The following DROSHA variants were observed in gnomAD, a reference collection of about 807,000 sequenced individuals.
DROSHA encodes drosha ribonuclease III.
A neutral mutation model predicts 181.9 loss-of-function variants in DROSHA; 56 were observed. The observed-to-expected ratio is 0.31, with a 90% confidence interval of 0.25 to 0.38. The LOEUF is 0.38. Among genes scored for constraint, DROSHA ranks in the 10% least tolerant of loss-of-function variants. DROSHA has a pLI of 1.00. For missense variants in DROSHA, 1,218 were observed against 1,743.5 expected (o/e 0.70, Z 5.37); for synonymous variants, 524 against 591.2 (o/e 0.89, Z 1.65).
chr5:31,457,984 G>A (rs1423112), intron 20 of DROSHA, among the ~76,000 whole-genome samples: 2,087 of 152,246 alleles, frequency 0.014, 52 homozygotes, highest in African/African-American at 0.048. Context: ...GCATAACCAC[G>A]GGATACAGAA....
chr5:31,520,018 T>C (rs748150536), intron 6 of DROSHA, among the ~76,000 whole-genome samples: 4 of 152,202 alleles, frequency 2.6e-5, no homozygotes, highest in Non-Finnish European at 2.9e-5. Context: ...ATCTGGTTTT[T>C]CCTGCTACTA....
intron 27 of DROSHA, among the ~76,000 whole-genome samples, chr5:31,427,167 G>A (rs1420362090): frequency 1.3e-5 from 2 of 152,166 alleles, no homozygotes; most frequent in African/African-American, 2.4e-5. Context: ...AGTTTCTGCA[G>A]CTCCAGAGAA....
intron 13 of DROSHA, among the ~76,000 whole-genome samples, chr5:31,491,762 T>G (rs1300049779): frequency 2.6e-5 from 4 of 152,068 alleles, no homozygotes; most frequent in Non-Finnish European, 1.5e-5. Flanking sequence ...CCATAAAGAT[T>G]ATTTAAGAAT....
chr5:31,525,089 G>T (rs1740359718), intron 5 of DROSHA, among the ~76,000 whole-genome samples: 1 of 151,838 alleles, frequency 6.6e-6, no homozygotes, highest in African/African-American at 2.4e-5. Context: ...CCAGCACTTT[G>T]GGAGGCCGAG....
rs868122902 is a variant in DROSHA, at chr5:31,421,478, T to G, written c.3420-101A>C. 40 of 947,628 alleles carry G rather than the reference T, an allele frequency of 4.2e-5. No homozygotes were observed. The Middle Eastern group carries it at 1.7e-3, about 40-fold the overall frequency. The allele number at this position is 947,628 out of a possible 1,614,324, so 58.7% of individuals were successfully genotyped here. On this transcript the variant is annotated intron_variant, in intron 29 of 35. Coordinates refer to ENST00000344624, the MANE Select transcript of DROSHA (RefSeq NM_001382508.1). ...AAAGGAATGACTTAAAAAGACAATG[T>G]GTTCATTTTGTTTTAAAGCACAAAA...
intron 13 of DROSHA, among the ~76,000 whole-genome samples, chr5:31,490,182 CTTTT>C (rs146698384): frequency 1.4e-5 from 2 of 138,060 alleles, no homozygotes; most frequent in African/African-American, 2.7e-5. Flanking sequence ...GGCCCTTTTC[CTTTT>C]TTTTTTTTTT....
Position 31,511,098 on chromosome 5 carries a change from C to T in DROSHA, c.1369G>A (p.Glu457Lys), listed in dbSNP as rs1738616955. The T allele has an allele frequency of 1.1e-5, 17 of 1,613,806 alleles. No homozygotes were observed. Among genetic ancestry groups the T allele is most frequent in the Non-Finnish European group, 1.4e-5 (16 of 1,179,878 alleles). ...KFEEELGSRQ[E>K]KAKAARPPWE... ...GGAGGCCGAGCAGCTTTGGCCTTTT[C>T]TTGCCTGCTCCCCAACTCCTCCTCA... is the stretch of plus-strand genomic sequence containing the variant. Residue 457 changes from glutamate (E) to lysine (K), a missense_variant, in exon 9 of 36, where the codon GAA (glutamate) becomes AAA (lysine). Physicochemically the swap from Glu to Lys is moderately conservative, Grantham distance 56 (BLOSUM62 1). Transcript: ENST00000344624.
intron 30 of DROSHA, among the ~76,000 whole-genome samples, chr5:31,417,336 A>T (rs1334734744): frequency 6.6e-6 from 1 of 152,258 alleles, no homozygotes; most frequent in African/African-American, 2.4e-5. Context: ...CAGTTCATAT[A>T]AGGTGACTGT....
intron 16 of DROSHA, among the ~76,000 whole-genome samples, chr5:31,475,745 C>T (rs1580223621): frequency 6.6e-6 from 1 of 152,104 alleles, no homozygotes; most frequent in African/African-American, 2.4e-5. Flanking sequence ...CAGAATGTTG[C>T]TTTGTGTAAG....
rs577994235 is a variant in DROSHA at position 31,464,484 on chromosome 5, A to C, written c.2467-141T>G. 687 of 769,084 alleles carry C rather than the reference A, an allele frequency of 8.9e-4. 5 individuals are homozygous for C. The highest frequency in any genetic ancestry group is 7.8e-3 in the African/African-American group (434 of 55,988). 47.6% of individuals were successfully genotyped at this position (769,084 alleles called of 1,614,324 possible). On this transcript the variant is annotated intron_variant, in intron 19 of 35. Coordinates refer to ENST00000344624, the MANE Select transcript of DROSHA (RefSeq NM_001382508.1). ...CTCAAACCTCTTCATACAAAATTAC[A>C]ATATTTTCTTTAAAATGGAGGCTGG...
intron 20 of DROSHA, among the ~76,000 whole-genome samples, chr5:31,454,706 C>A (rs566140825): frequency 5.3e-4 from 81 of 151,794 alleles, no homozygotes; most frequent in Non-Finnish European, 1.0e-3. Context: ...TGTGGGAGGC[C>A]GAGACAGTTG....
rs187528297 is a variant in DROSHA, at chr5:31,445,297, T to C, written c.2882+3250A>G. On this transcript the variant is annotated intron_variant, in intron 23 of 35. Coordinates refer to ENST00000344624, the MANE Select transcript of DROSHA (RefSeq NM_001382508.1). ...GCTTCCATTCAGTTGTCAAACTGTG[T>C]TAATGAGTTTATACAGACCTAGGCC... 2.2e-4 allele frequency among the ~76,000 whole-genome samples: 33 copies of C among 152,334 alleles called. 2 individuals carry two copies. The East Asian group carries it at 2.3e-3, about 11-fold the overall frequency.
At chr5:31,447,622 C>T (rs1746470575) in intron 23 of DROSHA, among the ~76,000 whole-genome samples, 1 of 152,132 alleles carries the variant, frequency 6.6e-6, no homozygotes, top group African/African-American at 2.4e-5. Context: ...GAATTTGTAT[C>T]TGAGAATATA....
In DROSHA at chr5:31,508,719, A is replaced by C; in HGVS notation, c.1489T>G (p.Ser497Ala). The C allele has an allele frequency of 1.2e-6, 2 of 1,613,944 alleles. No individual in the cohort carries two copies. The highest frequency in any genetic ancestry group is 1.7e-6 in the Non-Finnish European group (2 of 1,179,866). ...ATAACGTCAAAAACTTCAGAGTCTGAGCTGCTAGAACAGGTGCTGTCCTCA... is the reference window on the plus strand; with the variant it reads ...ATAACGTCAAAAACTTCAGAGTCTGCGCTGCTAGAACAGGTGCTGTCCTCA... ...SDEDSTCSSSSDSEVFDVIAE... is the reference protein window; with the variant it reads ...SDEDSTCSSSADSEVFDVIAE... The change falls in exon 10 of 36, where the codon TCA becomes GCA. Residue 497 changes from serine (S) to alanine (A), a missense_variant. This residue lies in a region of DROSHA where 460 missense variants were observed against 774.2 expected (regional missense o/e 0.59). Transcript: ENST00000344624.
chr5:31,515,790 C>T (rs566354942), intron 6 of DROSHA, among the ~76,000 whole-genome samples: 1 of 152,316 alleles, frequency 6.6e-6, no homozygotes, highest in South Asian at 2.1e-4. Context: ...TCTGGAACCC[C>T]AGTCTTGGGC....
At chr5:31,527,152 C>A (rs1412858182) in intron 4 of DROSHA, among the ~76,000 whole-genome samples, 1 of 152,086 alleles carries the variant, frequency 6.6e-6, no homozygotes, top group African/African-American at 2.4e-5. Flanking sequence ...AGTCCCTGGA[C>A]CGACCATTCC....
chr5:31,465,289 C>T (rs551409777), intron 19 of DROSHA, among the ~76,000 whole-genome samples: 90 of 152,226 alleles, frequency 5.9e-4, no homozygotes, highest in Non-Finnish European at 1.1e-3. Flanking sequence ...AAAACTAAAA[C>T]GTAAGTTATC....
rs182636807 is a variant in DROSHA at position 31,448,144 on chromosome 5, C to T, written c.2882+403G>A. On this transcript the variant is annotated intron_variant, in intron 23 of 35. Transcript: ENST00000344624. ...AACAGATACATAAAATATGATATGC[C>T]CATATCATGGAATATTATTTAGCAA... Among the ~76,000 whole-genome samples, 474 of 152,112 alleles carry T rather than the reference C, an allele frequency of 3.1e-3. 1 individual carries two copies. Among genetic ancestry groups the T allele is most frequent in the Middle Eastern group, 0.02 (6 of 294 alleles).
chr5:31,511,194 T>A lies in DROSHA; in HGVS notation c.1291-18A>T, dbSNP rs1358853265. 1.2e-6 allele frequency: 2 copies of A among 1,608,650 alleles called. No homozygotes were observed. Among genetic ancestry groups the A allele is most frequent in the South Asian group, 2.2e-5 (2 of 90,142 alleles). On this transcript the variant is annotated intron_variant, in intron 8 of 35. Transcript: ENST00000344624. ...GAATCTCCCTTTTAAAAATAAAGGA[T>A]CAATATTAGGAACTATATCAATAAC... is the stretch of plus-strand genomic sequence containing the variant.
Sources: gnomAD v4.1 joint callset for allele counts (sites outside exome capture counted in the v4.1 genomes callset) on GRCh38, gnomAD v4.1.1 for gene constraint, gnomAD v4.1.1 regional missense constraint, MANE v1.5 for transcripts, NCBI Gene and HGNC (gene_info 2026-07-23, HGNC 2026-07-21) for gene names.